The following TENM2 variants were observed in gnomAD, a reference collection of about 807,000 sequenced individuals.
The protein encoded by TENM2 is teneurin-2.
TENM2 carries 52 observed loss-of-function variants against 245.2 expected under a neutral mutation model. That is an observed-to-expected ratio of 0.21 (90% CI 0.17 to 0.27). TENM2 has a LOEUF of 0.27. TENM2 is among the 10% of genes least tolerant of loss of function. The pLI is 1.00. For missense variants in TENM2, 3,046 were observed against 3,666.8 expected (o/e 0.83, Z 4.37); for synonymous variants, 1,363 against 1,438.9 (o/e 0.95, Z 1.19).
the TENM2 span, among the ~76,000 whole-genome samples, chr5:167,185,687 C>A: frequency 6.6e-6 from 1 of 151,508 alleles, no homozygotes; most frequent in African/African-American, 2.4e-5. Context: ...CTAGTGATGT[C>A]ATTTGGTTCC....
chr5:168,118,232 G>A lies in TENM2; in HGVS notation c.1814-60G>A, dbSNP rs986916255. 3.6e-6 allele frequency: 5 copies of A among 1,383,474 alleles called. No individual in the cohort carries two copies. In the Middle Eastern group the frequency reaches 5.7e-4, roughly 158 times the overall value. The allele number at this position is 1,383,474 out of a possible 1,614,324, so 85.7% of individuals were successfully genotyped here. A position where few individuals can be genotyped will look rare whatever the true frequency, so the allele number is the denominator to read the frequency against. On this transcript the variant is annotated intron_variant, in intron 9 of 28. Transcript: ENST00000518659. ...CCAGACAGCTCTACCTCCTTAGACTGCCATAGCCCCTCGGATGCTGGCCCT... is the reference window on the plus strand; with the variant it reads ...CCAGACAGCTCTACCTCCTTAGACTACCATAGCCCCTCGGATGCTGGCCCT...
intron 6 of TENM2, among the ~76,000 whole-genome samples, chr5:168,047,910 G>A (rs1425513872): frequency 1.3e-5 from 2 of 151,934 alleles, no homozygotes; most frequent in Non-Finnish European, 2.9e-5. Context: ...GCAGCAGCAG[G>A]AGAAAGTCCT....
intron 2 of TENM2, among the ~76,000 whole-genome samples, chr5:167,416,498 G>A (rs914308878): frequency 2.0e-5 from 3 of 151,974 alleles, no homozygotes; most frequent in African/African-American, 7.2e-5. Flanking sequence ...TGTTTGTTTT[G>A]CAACTATTTG....
intron 2 of TENM2, among the ~76,000 whole-genome samples, chr5:167,494,092 G>A (rs1269498436): frequency 2.0e-5 from 3 of 152,070 alleles, no homozygotes; most frequent in Non-Finnish European, 2.9e-5. Context: ...TGATCCATCC[G>A]TTACTCAATT....
At chr5:167,217,312 C>A in the TENM2 span, among the ~76,000 whole-genome samples, 2 of 152,126 alleles carry the variant, frequency 1.3e-5, no homozygotes, top group African/African-American at 2.4e-5. Context: ...ATCAACCACA[C>A]AGACTTTTAA....
chr5:167,359,744 A>G (rs1327010824), intron 1 of TENM2, among the ~76,000 whole-genome samples: 3 of 152,122 alleles, frequency 2.0e-5, no homozygotes, highest in Non-Finnish European at 4.4e-5. Flanking sequence ...TGATTTTTGT[A>G]TGTGGTGTAA....
At chr5:167,098,588 G>A in the TENM2 span, among the ~76,000 whole-genome samples, 1 of 152,130 alleles carries the variant, frequency 6.6e-6, no homozygotes, top group Admixed American at 6.5e-5. Flanking sequence ...GAGATTAGCA[G>A]CTGTTAAATC....
chr5:167,082,999 A>C, the TENM2 span, among the ~76,000 whole-genome samples: 1 of 151,724 alleles, frequency 6.6e-6, no homozygotes, highest in African/African-American at 2.4e-5. Context: ...GAAATATTGC[A>C]GTATATGAAA....
At chr5:167,925,728 G>T (rs1777705615) in intron 3 of TENM2, among the ~76,000 whole-genome samples, 1 of 152,170 alleles carries the variant, frequency 6.6e-6, no homozygotes, top group African/African-American at 2.4e-5. Context: ...TGACAGATTG[G>T]ATTTTTAAAA....
chr5:167,077,405 G>C, the TENM2 span, among the ~76,000 whole-genome samples: 88 of 152,094 alleles, frequency 5.8e-4, 2 homozygotes, highest in Middle Eastern at 0.01. Flanking sequence ...TGAAAACTGA[G>C]GTCCCAATAG....
chr5:167,259,320 A>G, the TENM2 span, among the ~76,000 whole-genome samples: 1 of 152,198 alleles, frequency 6.6e-6, no homozygotes, highest in African/African-American at 2.4e-5. Context: ...TATCTTCTAC[A>G]GATTATATGC....
intron 2 of TENM2, among the ~76,000 whole-genome samples, chr5:167,506,105 C>T (rs1769529056): frequency 1.3e-5 from 2 of 152,136 alleles, no homozygotes; most frequent in Admixed American, 6.6e-5. Flanking sequence ...CTTCCAGGCA[C>T]AGAAACAACA....
intron 27 of TENM2, 52 bp downstream of exon 29, chr5:168,248,423 T>G (rs1047737501): frequency 4.7e-5 from 73 of 1,548,000 alleles, no homozygotes; most frequent in Non-Finnish European, 6.2e-5. Context: ...GGGTACTTGT[T>G]GCTGTGGGGA....
chr5:168,253,428 TA>T (rs57593597), intron 27 of TENM2, among the ~76,000 whole-genome samples: 6,806 of 136,704 alleles, frequency 0.05, 324 homozygotes, highest in African/African-American at 0.091. Context: ...TTCATTATTT[TA>T]TTTTTTTTTT....
Position 167,539,532 on chromosome 5 carries a change from A to G in TENM2, c.502+164059A>G, listed in dbSNP as rs546682921. Among the ~76,000 whole-genome samples the G allele has an allele frequency of 1.2e-3, 176 of 152,304 alleles. 1 individual carries two copies. Among genetic ancestry groups the G allele is most frequent in the African/African-American group, 4.1e-3 (172 of 41,582 alleles). On this transcript the variant is annotated intron_variant, in intron 2 of 28. Transcript: ENST00000518659. ...CTGTTAAGTTTTCTTTTAAACCAAG[A>G]TAAGATTAAGGTATAAGAAAGGAAG...
At chr5:167,911,760 G>A (rs1776575192) in intron 3 of TENM2, among the ~76,000 whole-genome samples, 1 of 152,152 alleles carries the variant, frequency 6.6e-6, no homozygotes, top group Admixed American at 6.5e-5. Context: ...CAGTGTCCTT[G>A]TCCTCCAAGG....
chr5:167,740,998 A>G (rs1470863476), intron 2 of TENM2, among the ~76,000 whole-genome samples: 1 of 151,144 alleles, frequency 6.6e-6, no homozygotes, highest in Admixed American at 6.6e-5. Flanking sequence ...GCTCATTCCC[A>G]TCTGAGAACC....
At chr5:168,069,175 T>G (rs1790765344) in intron 7 of TENM2, among the ~76,000 whole-genome samples, 1 of 152,202 alleles carries the variant, frequency 6.6e-6, no homozygotes, top group Non-Finnish European at 1.5e-5. Flanking sequence ...GGCATTTCGT[T>G]GAACAGTATC....
intron 2 of TENM2, among the ~76,000 whole-genome samples, chr5:167,567,686 A>G (rs558958195): frequency 6.6e-6 from 1 of 151,822 alleles, no homozygotes; most frequent in African/African-American, 2.4e-5. Context: ...GATGCGCAGC[A>G]TGTGCACACA....
Sources: allele counts gnomAD v4.1 joint callset (sites outside exome capture counted in the v4.1 genomes callset), GRCh38; gene constraint gnomAD v4.1.1; transcripts MANE v1.5; gene names NCBI Gene and HGNC (gene_info 2026-07-23, HGNC 2026-07-21).